Variants in LDB2 observed in about 807,000 individuals in gnomAD.
LDB2 encodes the protein LIM domain-binding protein 2.
LDB2 carries 12 observed loss-of-function variants against 44.3 expected under a neutral mutation model. That is an observed-to-expected ratio of 0.27 (90% CI 0.17 to 0.44). LDB2 has a LOEUF of 0.44. Ranked by LOEUF, LDB2 falls within the 20% of genes least tolerant of loss-of-function variation. LDB2 has a pLI of 1.00. For synonymous variants in LDB2, 164 were observed against 174.8 expected (o/e 0.94, Z 0.49); for missense variants, 344 against 473.5 (o/e 0.73, Z 2.54).
At chr4:16,510,071 G>T (rs1293921979) in intron 6 of LDB2, among the ~76,000 whole-genome samples, 1 of 152,092 alleles carries the variant, frequency 6.6e-6, no homozygotes, top group Non-Finnish European at 1.5e-5. Flanking sequence ...CTATGATTGT[G>T]CCACTGCAGT....
intron 5 of LDB2, chr4:16,581,434 A>G (rs1040066740): frequency 1.0e-6 from 1 of 985,268 alleles, no homozygotes; most frequent in South Asian, 4.7e-5. Flanking sequence ...CTGGAAAAAA[A>G]AAATCTTTTG....
At chr4:16,543,946 CCTCT>C (rs980918471) in intron 5 of LDB2, among the ~76,000 whole-genome samples, 25 of 152,138 alleles carry the variant, frequency 1.6e-4, no homozygotes, top group African/African-American at 6.0e-4. Flanking sequence ...TTTTTTTCTC[CCTCT>C]CTCTTTTTTT....
At position 16,744,146 on chromosome 4, in the gene LDB2, GGTTT is replaced by G. The variant is rs143933539; in HGVS notation, c.235+15008_235+15011del. Reference sequence around the variant, plus strand: ...AAGTTACTAATAAATAGACTCATGTGGTTTGTTTGTTTGTTTGTTTGTTTGTTTT... The same window carrying G: ...AAGTTACTAATAAATAGACTCATGTGGTTTGTTTGTTTGTTTGTTTGTTTT... On this transcript the variant is annotated intron_variant, in intron 2 of 7. Transcript: ENST00000304523. Among the ~76,000 whole-genome samples, 203 of 151,854 alleles carry G rather than the reference GGTTT, an allele frequency of 1.3e-3. 1 individual carries two copies. The highest frequency in any genetic ancestry group is 3.5e-3 in the African/African-American group (145 of 41,312).
intron 5 of LDB2, among the ~76,000 whole-genome samples, chr4:16,556,102 C>G (rs1342846785): frequency 1.3e-5 from 2 of 152,342 alleles, no homozygotes; most frequent in South Asian, 4.1e-4. Context: ...TCTGAGATTT[C>G]TCCCAGACTG....
At chr4:16,628,281 T>G (rs1216321285) in intron 2 of LDB2, among the ~76,000 whole-genome samples, 1 of 152,188 alleles carries the variant, frequency 6.6e-6, no homozygotes, top group Non-Finnish European at 1.5e-5. Flanking sequence ...CAGGAAGGCC[T>G]TGAAAAATAG....
At position 16,503,190 on chromosome 4, in the gene LDB2, C is replaced by T. The variant is rs1309654806; in HGVS notation, c.892-317G>A. The T allele has an allele frequency of 1.2e-5, 18 of 1,516,188 alleles. No individual in the cohort carries two copies. The East Asian group carries it at 1.2e-4, about 10-fold the overall frequency. The allele number at this position is 1,516,188 out of a possible 1,614,324, so 93.9% of individuals were successfully genotyped here. ...AAAAAAATCCATGCTTTCAACTTGC[C>T]GACATTGGGGACTTTTGAGAGGGCT... is the stretch of plus-strand genomic sequence containing the variant. On this transcript the variant is annotated intron_variant, in intron 7 of 7. Transcript: ENST00000304523.
intron 1 of LDB2, among the ~76,000 whole-genome samples, chr4:16,830,791 C>T (rs1372943464): frequency 6.6e-6 from 1 of 152,122 alleles, no homozygotes; most frequent in Non-Finnish European, 1.5e-5. Flanking sequence ...CCGAGGAGGT[C>T]CAAGGAGTGT....
intron 1 of LDB2, among the ~76,000 whole-genome samples, chr4:16,814,444 C>T (rs1232922390): frequency 6.6e-6 from 1 of 152,186 alleles, no homozygotes; most frequent in Middle Eastern, 3.2e-3. Context: ...TTGAATAAAA[C>T]CATGAAATCA....
At chr4:16,801,210 C>T (rs2109748757) in intron 1 of LDB2, among the ~76,000 whole-genome samples, 1 of 152,290 alleles carries the variant, frequency 6.6e-6, no homozygotes, top group South Asian at 2.1e-4. Context: ...GATGGAAGCC[C>T]ATCCTGTAAG....
intron 1 of LDB2, among the ~76,000 whole-genome samples, chr4:16,813,733 A>G (rs1328914305): frequency 6.6e-6 from 1 of 152,210 alleles, no homozygotes; most frequent in East Asian, 1.9e-4. Flanking sequence ...CTCACCAGCA[A>G]GTTAGAGGCC....
chr4:16,825,964 G>A (rs1468966613), intron 1 of LDB2, among the ~76,000 whole-genome samples: 3 of 151,190 alleles, frequency 2.0e-5, no homozygotes, highest in African/African-American at 7.3e-5. Flanking sequence ...TGTATAATAC[G>A]TCATGTATAT....
chr4:16,599,869 G>C (rs12642970), intron 2 of LDB2, among the ~76,000 whole-genome samples: 60,565 of 151,898 alleles, frequency 0.4, 12,556 homozygotes, highest in East Asian at 0.59. Context: ...CTTTCAAATT[G>C]ATTTTTGAAT....
At chr4:16,762,373 G>A (rs573930828) in intron 1 of LDB2, among the ~76,000 whole-genome samples, 6 of 152,106 alleles carry the variant, frequency 3.9e-5, no homozygotes, top group Non-Finnish European at 7.4e-5. Flanking sequence ...GCCCAGTGAC[G>A]GGATCCCCTC....
At chr4:16,641,471 G>A (rs570768345) in intron 2 of LDB2, among the ~76,000 whole-genome samples, 1 of 152,146 alleles carries the variant, frequency 6.6e-6, no homozygotes, top group African/African-American at 2.4e-5. Flanking sequence ...CATGGCATGG[G>A]TATCTTCTCT....
intron 2 of LDB2, among the ~76,000 whole-genome samples, chr4:16,621,466 G>A (rs1270359395): frequency 1.3e-5 from 2 of 152,310 alleles, no homozygotes; most frequent in African/African-American, 4.8e-5. Context: ...TCCACCTCAC[G>A]TGATCATAAA....
chr4:16,837,337 C>T (rs2110085158), intron 1 of LDB2, among the ~76,000 whole-genome samples: 1 of 152,246 alleles, frequency 6.6e-6, no homozygotes, highest in African/African-American at 2.4e-5. Context: ...CCATACCAGA[C>T]ACATATTAGA....
At position 16,688,112 on chromosome 4, in the gene LDB2, A is replaced by G. The variant is rs187363886; in HGVS notation, c.235+71046T>C. 5.3e-5 allele frequency among the ~76,000 whole-genome samples: 8 copies of G among 152,342 alleles called. No homozygotes were observed. In the East Asian group the frequency reaches 1.2e-3, roughly 22 times the overall value. On this transcript the variant is annotated intron_variant, in intron 2 of 7. Coordinates refer to ENST00000304523, the MANE Select transcript of LDB2 (RefSeq NM_001290.5). Reference sequence around the variant, plus strand: ...AGTTACAAGGTATAGAAATGCACAAATGGGAATTTGAACTTGAAAAACCTG... The same window carrying G: ...AGTTACAAGGTATAGAAATGCACAAGTGGGAATTTGAACTTGAAAAACCTG...
At chr4:16,516,455 C>T (rs899287763) in intron 5 of LDB2, among the ~76,000 whole-genome samples, 2 of 152,164 alleles carry the variant, frequency 1.3e-5, no homozygotes, top group African/African-American at 4.8e-5. Flanking sequence ...GCTGGGGACA[C>T]AAAAATGAGA....
chr4:16,630,129 A>G (rs7438508), intron 2 of LDB2, among the ~76,000 whole-genome samples: 2 of 151,912 alleles, frequency 1.3e-5, no homozygotes, highest in Non-Finnish European at 2.9e-5. Flanking sequence ...CCCAAAACAC[A>G]TAACTGTCAG....
Sources: allele counts gnomAD v4.1 joint callset (sites outside exome capture counted in the v4.1 genomes callset), GRCh38; gene constraint gnomAD v4.1.1; transcripts MANE v1.5; gene names NCBI Gene and HGNC (gene_info 2026-07-23, HGNC 2026-07-21).